The following SMOC2 variants were observed in gnomAD, a reference collection of about 807,000 sequenced individuals.
SMOC2 encodes the protein SPARC-related modular calcium-binding protein 2.
SMOC2 carries 39 observed loss-of-function variants against 61.4 expected under a neutral mutation model. The ratio of observed to expected loss-of-function variants is 0.64; its 90% confidence interval spans 0.49 to 0.83. The LOEUF is 0.83. SMOC2 is among the 40% of genes least tolerant of loss of function. The probability of loss-of-function intolerance (pLI) is 0.00; values close to 1 mark genes in which losing one functional copy is unlikely to be tolerated. For synonymous variants in SMOC2, 247 were observed against 239.9 expected, an observed-to-expected ratio of 1.03 and a Z score of -0.27; for missense variants, 556 against 592.9, an observed-to-expected ratio of 0.94 and a Z score of 0.65.
chr6:168,604,223 T>G (rs1785629698), intron 8 of SMOC2, among the ~76,000 whole-genome samples: 1 of 152,230 alleles, frequency 6.6e-6, no homozygotes, highest in South Asian at 2.1e-4. Flanking sequence ...GCCCATCTCT[T>G]TGTTTCTTTG....
intron 7 of SMOC2, among the ~76,000 whole-genome samples, chr6:168,578,335 T>C (rs778462075): frequency 3.9e-5 from 6 of 152,172 alleles, no homozygotes; most frequent in Non-Finnish European, 8.8e-5. Flanking sequence ...GTCTTAGCAA[T>C]TATACTTGAA....
intron 2 of SMOC2, 68 bp from the exon 3 acceptor site, chr6:168,526,278 A>C (rs1164669023): frequency 7.0e-7 from 1 of 1,418,564 alleles, no homozygotes; most frequent in Non-Finnish European, 1.0e-6. Context: ...ACATCTTTCA[A>C]TGTTCCTATA....
intron 9 of SMOC2, among the ~76,000 whole-genome samples, chr6:168,620,797 T>G (rs1385650163): frequency 6.6e-6 from 1 of 152,200 alleles, no homozygotes; most frequent in Non-Finnish European, 1.5e-5. Context: ...GCCAGAGCAC[T>G]GCGGTTATTA....
chr6:168,464,755 A>G (rs1280754442), intron 1 of SMOC2, among the ~76,000 whole-genome samples: 2 of 152,190 alleles, frequency 1.3e-5, no homozygotes, highest in African/African-American at 4.8e-5. Context: ...TTCTCTCCAG[A>G]TTGTGCTAGT....
At chr6:168,556,865 C>G (rs1224836075) in intron 7 of SMOC2, among the ~76,000 whole-genome samples, 1 of 149,594 alleles carries the variant, frequency 6.7e-6, no homozygotes, top group Non-Finnish European at 1.5e-5. Context: ...CCAGTTTTGT[C>G]ATCTGTGAAA....
intron 11 of SMOC2, among the ~76,000 whole-genome samples, chr6:168,655,197 A>T (rs1165162252): frequency 2.3e-5 from 3 of 129,952 alleles, no homozygotes; most frequent in Non-Finnish European, 4.9e-5. Context: ...GATGTTAGGA[A>T]CTCACCAACC....
chr6:168,460,681 ATT>A (rs1341787652), intron 1 of SMOC2, among the ~76,000 whole-genome samples: 6 of 152,134 alleles, frequency 3.9e-5, no homozygotes, highest in Non-Finnish European at 5.9e-5. Flanking sequence ...CTGGCTTGAC[ATT>A]TAAAGGTGAA....
chr6:168,491,568 G>C (rs1583054085), intron 1 of SMOC2, among the ~76,000 whole-genome samples: 2 of 152,258 alleles, frequency 1.3e-5, no homozygotes, highest in Non-Finnish European at 2.9e-5. Flanking sequence ...GTCAGCCAGA[G>C]CTTCCTGTGC....
chr6:168,527,647 C>A lies in SMOC2; in HGVS notation c.383C>A (p.Thr128Lys). Residue 128 changes from threonine (T) to lysine (K), a missense_variant, in exon 4 of 13, where the codon ACG becomes AAG. Transcript: ENST00000356284. Reference sequence around the variant, plus strand: ...TCGCAGGTCCAGTGTCACAGCTACACGGGATACTGCTGGTGCGTCACGCCC... The same window carrying A: ...TCGCAGGTCCAGTGTCACAGCTACAAGGGATACTGCTGGTGCGTCACGCCC... Reference protein sequence around the residue: ...TYSQVQCHSYTGYCWCVTPNG... With the variant: ...TYSQVQCHSYKGYCWCVTPNG... 5.2e-6 allele frequency: 8 copies of A among 1,551,712 alleles called. No homozygotes were observed. Among genetic ancestry groups the A allele is most frequent in the Non-Finnish European group, 7.0e-6 (8 of 1,147,458 alleles).
At chr6:168,487,678 T>C (rs1782366111) in intron 1 of SMOC2, among the ~76,000 whole-genome samples, 2 of 152,100 alleles carry the variant, frequency 1.3e-5, no homozygotes, top group South Asian at 4.2e-4. Flanking sequence ...AATTTTTGTG[T>C]TTTTAGTAGA....
At chr6:168,471,601 T>G (rs972277514) in intron 1 of SMOC2, among the ~76,000 whole-genome samples, 5 of 152,212 alleles carry the variant, frequency 3.3e-5, no homozygotes, top group African/African-American at 1.2e-4. Flanking sequence ...AAATGGTTAC[T>G]TTTACTTTTT....
intron 7 of SMOC2, among the ~76,000 whole-genome samples, chr6:168,580,077 TTGTCAC>T (rs1784888930): frequency 6.9e-6 from 1 of 144,998 alleles, no homozygotes; most frequent in Non-Finnish European, 1.5e-5. Flanking sequence ...TGGTCTGTCT[TTGTCAC>T]GGCTTAAGAC....
intron 9 of SMOC2, among the ~76,000 whole-genome samples, chr6:168,630,558 A>C (rs1203314389): frequency 2.6e-5 from 4 of 152,226 alleles, no homozygotes; most frequent in African/African-American, 4.8e-5. Context: ...GTGTTTAAAC[A>C]ATATGAAATC....
At chr6:168,474,808 A>G in intron 1 of SMOC2, among the ~76,000 whole-genome samples, 1 of 152,100 alleles carries the variant, frequency 6.6e-6, no homozygotes, top group Admixed American at 6.5e-5. Context: ...CGTGTAACAA[A>G]TGACACGTCC....
chr6:168,532,637 A>T (rs1783636159), intron 4 of SMOC2, among the ~76,000 whole-genome samples: 1 of 152,206 alleles, frequency 6.6e-6, no homozygotes, highest in African/African-American at 2.4e-5. Context: ...AAAGTGGGTT[A>T]AGATATTGTA....
chr6:168,501,821 C>G lies in SMOC2; in HGVS notation c.85-8094C>G, dbSNP rs563796093. 5.9e-5 allele frequency among the ~76,000 whole-genome samples: 9 copies of G among 152,308 alleles called. No individual in the cohort carries two copies. The South Asian group carries it at 1.9e-3, about 32-fold the overall frequency. ...CATCCTGAGAGGTCCGTCTTGATTC[C>G]CCACAGAAGGTGGGAGCGTCTCCAG... On this transcript the variant is annotated intron_variant, in intron 1 of 12. Coordinates refer to ENST00000356284, the MANE Select transcript of SMOC2 (RefSeq NM_001166412.2).
chr6:168,497,799 C>A (rs974405355), intron 1 of SMOC2, among the ~76,000 whole-genome samples: 3 of 152,134 alleles, frequency 2.0e-5, no homozygotes, highest in African/African-American at 7.2e-5. Context: ...GTTTTGCCCC[C>A]CACAAAGCAA....
intron 7 of SMOC2, 32 bp from the exon 8 acceptor site, chr6:168,598,786 C>A: frequency 1.2e-6 from 2 of 1,611,680 alleles, no homozygotes; most frequent in Non-Finnish European, 1.7e-6. Flanking sequence ...TCGCTGGATC[C>A]TGCTCACCTT....
intron 5 of SMOC2, among the ~76,000 whole-genome samples, chr6:168,546,569 C>T (rs1410696933): frequency 6.6e-6 from 1 of 152,186 alleles, no homozygotes; most frequent in Non-Finnish European, 1.5e-5. Flanking sequence ...CCGTGCCCCA[C>T]TCACATCCTT....
Sources: gnomAD v4.1 joint callset for allele counts (sites outside exome capture counted in the v4.1 genomes callset) on GRCh38, gnomAD v4.1.1 for gene constraint, MANE v1.5 for transcripts, NCBI Gene and HGNC (gene_info 2026-07-23, HGNC 2026-07-21) for gene names.